The following IPO7 variants were observed in gnomAD, a reference collection of about 807,000 sequenced individuals.
The protein encoded by IPO7 is importin-7.
IPO7 carries 13 observed loss-of-function variants against 136.4 expected under a neutral mutation model. The observed-to-expected ratio is 0.10, with a 90% CI of 0.06 to 0.15. The LOEUF is 0.15. IPO7 is among the 10% of genes least tolerant of loss of function. IPO7 has a pLI of 1.00. For synonymous variants in IPO7, 403 were observed against 404.4 expected (o/e 1.00, Z 0.04); for missense variants, 857 against 1,240.6 (o/e 0.69, Z 4.65).
chr11:9,434,859 TAAGGAAA>T, intron 18 of IPO7, 68 bp from the exon 19 acceptor site: 1 of 1,033,772 alleles, frequency 9.7e-7, no homozygotes, highest in Admixed American at 1.8e-5. Context: ...TGCCTTTTTC[TAAGGAAA>T]TTTTTCAAAA....
intron 8 of IPO7, among the ~76,000 whole-genome samples, chr11:9,421,525 G>A (rs112067681): frequency 6.6e-6 from 1 of 151,396 alleles, no homozygotes; most frequent in Non-Finnish European, 1.5e-5. Context: ...CTATTGGGGA[G>A]GCTGAGGCAG....
At chr11:9,392,546 C>T (rs1854651009) in intron 1 of IPO7, among the ~76,000 whole-genome samples, 1 of 152,134 alleles carries the variant, frequency 6.6e-6, no homozygotes, top group African/African-American at 2.4e-5. Context: ...ATGTAAAAAT[C>T]TGATAGCACG....
chr11:9,426,355 T>G (rs1231837211), intron 12 of IPO7, among the ~76,000 whole-genome samples: 1 of 152,212 alleles, frequency 6.6e-6, no homozygotes, highest in Non-Finnish European at 1.5e-5. Context: ...TTTCAGTACT[T>G]TTTCCTTTTT....
At chr11:9,426,685 A>C (rs1048104034) in intron 12 of IPO7, among the ~76,000 whole-genome samples, 4 of 152,128 alleles carry the variant, frequency 2.6e-5, no homozygotes, top group East Asian at 1.9e-4. Flanking sequence ...TGTGCTTACT[A>C]TCCGTTTGTA....
intron 1 of IPO7, among the ~76,000 whole-genome samples, chr11:9,393,325 A>G (rs755853454): frequency 7.2e-5 from 11 of 152,146 alleles, no homozygotes; most frequent in Non-Finnish European, 1.3e-4. Flanking sequence ...AGTAAGAGAG[A>G]AGCCAAGAAA....
At chr11:9,423,372 CA>C (rs1564999715) in intron 9 of IPO7, among the ~76,000 whole-genome samples, 1 of 152,144 alleles carries the variant, frequency 6.6e-6, no homozygotes, top group Admixed American at 6.5e-5. Context: ...TTCAAACTTG[CA>C]ATTTAAGTTC....
intron 2 of IPO7, among the ~76,000 whole-genome samples, chr11:9,406,104 CTTTTT>C (rs71062847): frequency 4.9e-5 from 3 of 61,840 alleles, no homozygotes; most frequent in African/African-American, 2.3e-4. Context: ...TGAGGCTGGT[CTTTTT>C]TTTTTTTTTT....
In IPO7 at chr11:9,446,142, A is replaced by G. The variant is rs1218225130; in HGVS notation, c.*948A>G. The G allele has an allele frequency of 6.6e-6, 1 of 152,222 alleles. No homozygotes were observed. The highest frequency in any genetic ancestry group is 1.5e-5 in the Non-Finnish European group (1 of 68,046). 9.4% of individuals were successfully genotyped at this position (152,222 alleles called of 1,614,324 possible). ...GGTATCTAGAGCATGTAAATTGGAT[A>G]TAAAGTTCTGCTCTTAAAGAGTTGA... is the stretch of plus-strand genomic sequence containing the variant. On this transcript the variant is annotated 3_prime_UTR_variant, in exon 25 of 25. Coordinates refer to ENST00000379719, the MANE Select transcript of IPO7 (RefSeq NM_006391.3).
At chr11:9,392,602 G>A (rs574204274) in intron 1 of IPO7, among the ~76,000 whole-genome samples, 3 of 152,242 alleles carry the variant, frequency 2.0e-5, no homozygotes, top group East Asian at 1.9e-4. Context: ...CTGAAGTATA[G>A]TAGCTAATTG....
intron 6 of IPO7, among the ~76,000 whole-genome samples, chr11:9,418,838 G>T (rs1348324765): frequency 6.6e-6 from 1 of 152,036 alleles, no homozygotes; most frequent in Admixed American, 6.6e-5. Context: ...CTCATTCCCG[G>T]CACAATAGAT....
chr11:9,396,604 G>C (rs1854712828), intron 1 of IPO7, among the ~76,000 whole-genome samples: 1 of 152,052 alleles, frequency 6.6e-6, no homozygotes, highest in Non-Finnish European at 1.5e-5. Context: ...CCTAGCCCTA[G>C]GCAACAATCC....
At chr11:9,425,034 A>T (rs1370247698) in intron 11 of IPO7, 44 bp downstream of exon 11, 1 of 1,390,320 alleles carries the variant, frequency 7.2e-7, no homozygotes, top group Non-Finnish European at 1.0e-6. Flanking sequence ...TATTATTTAA[A>T]ATTTATTCAA....
intron 10 of IPO7, among the ~76,000 whole-genome samples, chr11:9,424,299 A>T (rs997261283): frequency 1.3e-5 from 2 of 152,190 alleles, no homozygotes; most frequent in Non-Finnish European, 2.9e-5. Flanking sequence ...ATTCTTACCA[A>T]GTCATTTGTG....
At chr11:9,420,277 A>C (rs1024621772) in intron 6 of IPO7, 134 bp from the exon 7 acceptor site, 13 of 592,014 alleles carry the variant, frequency 2.2e-5, no homozygotes, top group East Asian at 1.4e-4. Context: ...AGATGGCAAT[A>C]GAGCAAGACT....
At chr11:9,442,839 A>G (rs1182168068) in intron 24 of IPO7, among the ~76,000 whole-genome samples, 1 of 151,958 alleles carries the variant, frequency 6.6e-6, no homozygotes, top group East Asian at 2.0e-4. Context: ...CCTGGGCAAC[A>G]TGACCAAACT....
chr11:9,402,349 G>A (rs559871274), intron 1 of IPO7, among the ~76,000 whole-genome samples: 34 of 132,650 alleles, frequency 2.6e-4, no homozygotes, highest in Middle Eastern at 5.0e-3. Context: ...GCAGTGAGCC[G>A]AGATCATGCC....
intron 2 of IPO7, among the ~76,000 whole-genome samples, chr11:9,404,444 A>G (rs1268778034): frequency 6.6e-6 from 1 of 152,002 alleles, no homozygotes; most frequent in Non-Finnish European, 1.5e-5. Context: ...CAGCCTGAGC[A>G]ACAGAGTGAG....
chr11:9,411,265 C>T (rs1007735050), intron 4 of IPO7, among the ~76,000 whole-genome samples: 1 of 152,112 alleles, frequency 6.6e-6, no homozygotes, highest in Admixed American at 6.5e-5. Context: ...CCAGTGTTTT[C>T]GTTGTGAAGC....
intron 5 of IPO7, 53 bp downstream of exon 5, chr11:9,414,464 G>A (rs935283236): frequency 8.6e-6 from 10 of 1,163,832 alleles, no homozygotes; most frequent in East Asian, 2.6e-5. Context: ...GTCATTTACC[G>A]TGTTAAAAAT....
Sources: gnomAD v4.1 joint callset for allele counts (sites outside exome capture counted in the v4.1 genomes callset) on GRCh38, gnomAD v4.1.1 for gene constraint, MANE v1.5 for transcripts, NCBI Gene and HGNC (gene_info 2026-07-23, HGNC 2026-07-21) for gene names.